The following PPP4R3A variants were observed in gnomAD, a reference collection of about 807,000 sequenced individuals.
The protein encoded by PPP4R3A is serine/threonine-protein phosphatase 4 regulatory subunit 3A.
PPP4R3A carries 15 observed loss-of-function variants against 91.7 expected under a neutral mutation model. That is an observed-to-expected ratio of 0.16 (90% CI 0.11 to 0.25). PPP4R3A has a LOEUF of 0.25. Ranked by LOEUF, PPP4R3A falls within the 10% of genes least tolerant of loss-of-function variation. The pLI, the probability that PPP4R3A is intolerant of heterozygous loss-of-function variation, is 1.00. For synonymous variants in PPP4R3A, 377 were observed against 348.7 expected, an observed-to-expected ratio of 1.08 and a Z score of -0.91; for missense variants, 623 against 998.4, an observed-to-expected ratio of 0.62 and a Z score of 5.07.
intron 9 of PPP4R3A, 113 bp from the exon 10 acceptor site, chr14:91,471,108 T>G: frequency 4.0e-6 from 4 of 990,848 alleles, no homozygotes; most frequent in South Asian, 3.7e-5. Flanking sequence ...CTAAATATAT[T>G]AACTTTAGGG....
intron 2 of PPP4R3A, among the ~76,000 whole-genome samples, chr14:91,487,399 T>G (rs1889964616): frequency 1.3e-5 from 2 of 152,138 alleles, no homozygotes; most frequent in South Asian, 4.1e-4. Context: ...TACTGAATGG[T>G]ACTAGGGAGA....
intron 1 of PPP4R3A, among the ~76,000 whole-genome samples, chr14:91,507,640 A>AGTATATATACACGGAATATATATAGT (rs201065747): frequency 1.5e-5 from 2 of 129,868 alleles, no homozygotes; most frequent in East Asian, 2.1e-4. Flanking sequence ...ATACTATAAT[A>AGTATATATACACGGAATATATATAGT]ATATATACAC....
At chr14:91,460,015 CTTTA>C (rs951778062) in intron 14 of PPP4R3A, among the ~76,000 whole-genome samples, 12 of 151,476 alleles carry the variant, frequency 7.9e-5, no homozygotes, top group African/African-American at 2.4e-4. Flanking sequence ...CTGCCGCTTG[CTTTA>C]TTTATTTTTT....
chr14:91,483,251 A>C (rs1342368467), intron 3 of PPP4R3A, among the ~76,000 whole-genome samples: 2 of 152,150 alleles, frequency 1.3e-5, no homozygotes, highest in Non-Finnish European at 2.9e-5. Flanking sequence ...AAAAAATTAG[A>C]CCTTATATGG....
rs551761186 is a variant in PPP4R3A, at chr14:91,468,603, A to AGG, written c.1660+2232_1660+2233dup. Among the ~76,000 whole-genome samples, 29 of 129,986 alleles carry AGG rather than the reference A, an allele frequency of 2.2e-4. No individual in the cohort carries two copies. In the South Asian group the frequency reaches 7.4e-3, roughly 33 times the overall value. The allele number at this position is 129,986 out of a possible 152,430, so 85.3% of individuals were successfully genotyped here. A position where few individuals can be genotyped will look rare whatever the true frequency, so the allele number is the denominator to read the frequency against. On this transcript the variant is annotated intron_variant, in intron 10 of 14. Coordinates refer to ENST00000554943, the MANE Select transcript of PPP4R3A (RefSeq NM_001366432.2). ...AGAATTGCTTGAACCCAGGAGGTGG[A>AGG]GGTGCAGTGAGCCGAGATCGTACCA...
rs940011096 is a variant in PPP4R3A at position 91,457,706 on chromosome 14, C to G, written c.*1053G>C. On this transcript the variant is annotated 3_prime_UTR_variant, in exon 15 of 15. Transcript: ENST00000554943. ...TTGATTTAATGTACCGTCATTTCCCCAAGAAAAGAAATTTCAGAATCTCTT... is the reference window on the plus strand; with the variant it reads ...TTGATTTAATGTACCGTCATTTCCCGAAGAAAAGAAATTTCAGAATCTCTT... 1.3e-5 allele frequency: 2 copies of G among 152,510 alleles called. No individual in the cohort carries two copies. Among genetic ancestry groups the G allele is most frequent in the African/African-American group, 4.8e-5 (2 of 41,420 alleles). The allele number at this position is 152,510 out of a possible 1,614,324, so 9.4% of individuals were successfully genotyped here. A position where few individuals can be genotyped will look rare whatever the true frequency, so the allele number is the denominator to read the frequency against.
chr14:91,500,558 T>C (rs1198138289), intron 1 of PPP4R3A, among the ~76,000 whole-genome samples: 6 of 152,136 alleles, frequency 3.9e-5, no homozygotes, highest in African/African-American at 1.4e-4. Context: ...CACTGTACTG[T>C]TGTATAGCAG....
chr14:91,507,407 T>C (rs1179057500), intron 1 of PPP4R3A, among the ~76,000 whole-genome samples: 1 of 96,300 alleles, frequency 1.0e-5, no homozygotes, highest in South Asian at 2.9e-4. Context: ...ACTATAATTA[T>C]ATATACTATA....
At chr14:91,486,029 TACTG>T (rs1889855892) in intron 2 of PPP4R3A, among the ~76,000 whole-genome samples, 1 of 152,206 alleles carries the variant, frequency 6.6e-6, no homozygotes, top group Non-Finnish European at 1.5e-5. Flanking sequence ...TATCCGAGCA[TACTG>T]ACTTACATTT....
At chr14:91,477,009 A>G (rs774554433) in intron 4 of PPP4R3A, 23 bp from the exon 5 acceptor site, 16 of 1,533,444 alleles carry the variant, frequency 1.0e-5, no homozygotes. Context: ...GGACAAATGC[A>G]ATTATGTTAA....
chr14:91,501,766 G>A lies in PPP4R3A; in HGVS notation c.142+7740C>T, dbSNP rs191958286. On this transcript the variant is annotated intron_variant, in intron 1 of 14. Coordinates refer to ENST00000554943, the MANE Select transcript of PPP4R3A (RefSeq NM_001366432.2). ...GTCACCCAGGCTGAAGTGCAGTGGC[G>A]CGATCTTGGCTCACTGCAAGCTCCG... Among the ~76,000 whole-genome samples, 364 of 150,482 alleles carry A rather than the reference G, an allele frequency of 2.4e-3. 1 individual carries two copies. The highest frequency in any genetic ancestry group is 4.3e-3 in the Non-Finnish European group (290 of 67,756).
chr14:91,483,062 G>A (rs1228296249), intron 3 of PPP4R3A, among the ~76,000 whole-genome samples: 1 of 152,064 alleles, frequency 6.6e-6, no homozygotes, highest in Non-Finnish European at 1.5e-5. Flanking sequence ...CCACTGGAGG[G>A]GCTCTTATTA....
At chr14:91,491,390 A>G (rs1486383222) in intron 1 of PPP4R3A, among the ~76,000 whole-genome samples, 2 of 151,668 alleles carry the variant, frequency 1.3e-5, no homozygotes, top group Non-Finnish European at 1.5e-5. Context: ...CATTTGATGC[A>G]AACTCAACTT....
rs957651857 is a variant in PPP4R3A at position 91,457,808 on chromosome 14, C to G, written c.*951G>C. 2.6e-5 allele frequency: 4 copies of G among 152,586 alleles called. No homozygotes were observed. The highest frequency in any genetic ancestry group is 6.5e-5 in the Admixed American group (1 of 15,280). 9.5% of individuals were successfully genotyped at this position (152,586 alleles called of 1,614,324 possible). A position where few individuals can be genotyped will look rare whatever the true frequency, so the allele number is the denominator to read the frequency against. On this transcript the variant is annotated 3_prime_UTR_variant, in exon 15 of 15. Transcript: ENST00000554943. ...ATTCCATTCTATTTCCCTGAATTCT[C>G]AAGACAGTTGCTGATGTAAATTTTA... is the stretch of plus-strand genomic sequence containing the variant.
rs1272249421 is a variant in PPP4R3A, at chr14:91,461,391, A to G, written c.2381T>C (p.Ile794Thr). The G allele has an allele frequency of 6.2e-7, 1 of 1,606,236 alleles. No individual in the cohort carries two copies. The highest frequency in any genetic ancestry group is 1.7e-5 in the Admixed American group (1 of 59,884). Residue 794 changes from isoleucine to threonine, a missense_variant, in exon 14 of 15, where the codon ATT becomes ACT. This residue lies in a region of PPP4R3A where 201 missense variants were observed against 229.9 expected (regional missense o/e 0.87). Transcript: ENST00000554943. ...GAGTCAAGAATGTACCTTTGTAGTAATAGCTGCCGTCTGAGATGTATTTTT... is the reference window on the plus strand; with the variant it reads ...GAGTCAAGAATGTACCTTTGTAGTAGTAGCTGCCGTCTGAGATGTATTTTT... ...VPKNTSQTAA[I>T]TTKGGLVGLV...
At chr14:91,493,699 T>C (rs1490202664) in intron 1 of PPP4R3A, among the ~76,000 whole-genome samples, 1 of 150,658 alleles carries the variant, frequency 6.6e-6, no homozygotes, top group Non-Finnish European at 1.5e-5. Context: ...TTTTAATTAC[T>C]AGAATAAAAA....
intron 1 of PPP4R3A, among the ~76,000 whole-genome samples, chr14:91,504,161 T>TA (rs1891133210): frequency 1.6e-5 from 2 of 127,608 alleles, no homozygotes; most frequent in South Asian, 2.6e-4. Flanking sequence ...TTCCATCTCT[T>TA]AAAAAAAAGA....
intron 1 of PPP4R3A, among the ~76,000 whole-genome samples, chr14:91,504,083 G>A (rs1891125994): frequency 6.6e-6 from 1 of 151,752 alleles, no homozygotes; most frequent in Non-Finnish European, 1.5e-5. Flanking sequence ...ATTGGACCAG[G>A]CATGGTGGCT....
intron 2 of PPP4R3A, among the ~76,000 whole-genome samples, chr14:91,488,768 C>T (rs770975628): frequency 6.6e-6 from 1 of 152,168 alleles, no homozygotes; most frequent in East Asian, 1.9e-4. Flanking sequence ...AAAGAGGCCA[C>T]GGTATAAATT....
Sources: allele counts gnomAD v4.1 joint callset (sites outside exome capture counted in the v4.1 genomes callset), GRCh38; gene constraint gnomAD v4.1.1; regional missense constraint gnomAD v4.1.1; transcripts MANE v1.5; gene names NCBI Gene and HGNC (gene_info 2026-07-23, HGNC 2026-07-21).